The following REV1 variants were observed in gnomAD, a reference collection of about 807,000 sequenced individuals.
REV1 encodes the protein REV1 DNA directed polymerase, also known as translesion synthesis protein REV1.
REV1 carries 42 observed loss-of-function variants against 137.4 expected under a neutral mutation model. That is an observed-to-expected ratio of 0.31 (90% confidence interval 0.24 to 0.40). REV1 has a LOEUF of 0.40. Ranked by LOEUF, REV1 falls within the 10% of genes least tolerant of loss-of-function variation. The pLI is 1.00. For missense variants in REV1, 1,282 were observed against 1,490.1 expected (o/e 0.86, Z 2.30); for synonymous variants, 524 against 519.2 (o/e 1.01, Z -0.12).
intron 5 of REV1, among the ~76,000 whole-genome samples, chr2:99,441,962 C>T (rs10186223): frequency 0.18 from 26,671 of 151,986 alleles, 3,062 homozygotes; most frequent in African/African-American, 0.31. Context: ...CTGCTAAAAA[C>T]CAGCTTTGTG....
chr2:99,425,966 G>A (rs1009253285), intron 9 of REV1, among the ~76,000 whole-genome samples: 8 of 152,030 alleles, frequency 5.3e-5, no homozygotes, highest in African/African-American at 1.4e-4. Context: ...AACCTGGAGG[G>A]TGGAGGTTGC....
At chr2:99,454,186 T>C (rs1683254444) in intron 3 of REV1, among the ~76,000 whole-genome samples, 1 of 151,126 alleles carries the variant, frequency 6.6e-6, no homozygotes, top group Admixed American at 6.6e-5. Flanking sequence ...GGCCATGAGT[T>C]TGAGACCAAC....
chr2:99,429,940 G>A lies in REV1; in HGVS notation c.1447C>T (p.Pro483Ser). ...GGATTCTCCCACAATGATGAATCTG[G>A]TATATCTGCTTTAAAAATAAAAAAA... ...KILKGKAADIPDSSLWENPDS... is the reference protein window; with the variant it reads ...KILKGKAADISDSSLWENPDS... Residue 483 changes from proline to serine, a missense_variant, in exon 9 of 23, where the codon CCA (proline) becomes TCA (serine). Around this residue, in one of 7 missense-constraint regions of REV1, gnomAD observed 432 missense variants for 438.0 expected, o/e 0.99. Transcript: ENST00000258428. The A allele has an allele frequency of 6.4e-7, 1 of 1,572,944 alleles. No homozygotes were observed. Among genetic ancestry groups the A allele is most frequent in the East Asian group, 2.3e-5 (1 of 43,872 alleles).
rs1048492604 is a variant in REV1 at position 99,421,543 on chromosome 2, A to G, written c.1787T>C (p.Met596Thr). ...ACATTTCGTCTGGTCTTTGATTTCC[A>G]TACGAACAGCATTTGCAAATTCATC... ...TPDEFANAVR[M>T]EIKDQTKCAA... The change falls in exon 11 of 23, where the codon ATG becomes ACG. Residue 596 changes from methionine (M) to threonine (T), a missense_variant. By Grantham distance (81) the Met-to-Thr change is moderately conservative. Transcript: ENST00000258428. 1.9e-6 allele frequency: 3 copies of G among 1,614,036 alleles called. No individual in the cohort carries two copies. Among genetic ancestry groups the G allele is most frequent in the African/African-American group, 2.7e-5 (2 of 74,946 alleles).
rs1430810954 is a variant in REV1, at chr2:99,421,646, G to A, written c.1684C>T (p.His562Tyr). 2 of 1,613,696 alleles carry A rather than the reference G, an allele frequency of 1.2e-6. No individual in the cohort carries two copies. Among genetic ancestry groups the A allele is most frequent in the African/African-American group, 1.3e-5 (1 of 74,890 alleles). Reference sequence around the variant, plus strand: ...TCACAACTGACAGCTTCAATGTTATGAGTGTAGCTATCAACACAGAGCAAA... The same window carrying A: ...TCACAACTGACAGCTTCAATGTTATAAGTGTAGCTATCAACACAGAGCAAA... ...TLYETLASYT[H>Y]NIEAVSCDEA... The change falls in exon 11 of 23, where the codon CAT becomes TAT. Residue 562 changes from histidine (H) to tyrosine (Y), a missense_variant. By Grantham distance (83) the His-to-Tyr change is moderately conservative. Coordinates refer to ENST00000258428, the MANE Select transcript of REV1 (RefSeq NM_016316.4).
chr2:99,465,882 C>T (rs1022877715), intron 1 of REV1, among the ~76,000 whole-genome samples: 4 of 152,276 alleles, frequency 2.6e-5, no homozygotes, highest in African/African-American at 7.2e-5. Context: ...TTAACAACAC[C>T]TTAAACCATG....
intron 11 of REV1, among the ~76,000 whole-genome samples, chr2:99,419,386 TG>T (rs1258570909): frequency 6.6e-6 from 1 of 151,902 alleles, no homozygotes; most frequent in African/African-American, 2.4e-5. Context: ...CTAATTTTTC[TG>T]TATTTTTACA....
chr2:99,414,781 G>C (rs1677627482), intron 12 of REV1, among the ~76,000 whole-genome samples: 1 of 152,064 alleles, frequency 6.6e-6, no homozygotes, highest in South Asian at 2.1e-4. Context: ...TACAGTTCTG[G>C]GGAACAAATC....
intron 1 of REV1, among the ~76,000 whole-genome samples, chr2:99,468,719 C>T (rs1462719745): frequency 6.6e-6 from 1 of 152,196 alleles, no homozygotes; most frequent in South Asian, 2.1e-4. Context: ...CAGCCAATTA[C>T]TGTGTTTCAA....
intron 15 of REV1, chr2:99,406,815 T>TA (rs1019680864): frequency 1.1e-4 from 19 of 170,292 alleles, no homozygotes; most frequent in East Asian, 1.6e-4. Context: ...TAAATTAGGA[T>TA]AAAAAAAAAT....
At chr2:99,454,016 A>G (rs1683236304) in intron 3 of REV1, among the ~76,000 whole-genome samples, 1 of 151,320 alleles carries the variant, frequency 6.6e-6, no homozygotes, top group Non-Finnish European at 1.5e-5. Flanking sequence ...TTTTCTCCTC[A>G]TTGTTCTTTG....
At chr2:99,441,319 CG>C (rs1316076990) in intron 5 of REV1, among the ~76,000 whole-genome samples, 1 of 151,444 alleles carries the variant, frequency 6.6e-6, no homozygotes, top group African/African-American at 2.4e-5. Flanking sequence ...CTGGTGTTTT[CG>C]AAAAAAAATA....
chr2:99,449,300 A>G (rs1002354659), intron 4 of REV1, 36 bp downstream of exon 4: 1 of 1,242,690 alleles, frequency 8.0e-7, no homozygotes, highest in Non-Finnish European at 1.1e-6. Flanking sequence ...TCTAACTTTA[A>G]AAATTTATTA....
chr2:99,477,756 C>G (rs1288669066), intron 1 of REV1, among the ~76,000 whole-genome samples: 1 of 152,198 alleles, frequency 6.6e-6, no homozygotes, highest in Non-Finnish European at 1.5e-5. Context: ...CAATTCAATA[C>G]AACAAAGAGT....
chr2:99,439,030 C>T lies in REV1; in HGVS notation c.784G>A (p.Asp262Asn), dbSNP rs1681134235. 1 of 1,614,054 alleles carries T rather than the reference C, an allele frequency of 6.2e-7. No individual in the cohort carries two copies. The highest frequency in any genetic ancestry group is 1.3e-5 in the African/African-American group (1 of 74,918). Reference protein sequence around the residue: ...RLSPAFSQEEDKAEKSSTDFR... With the variant: ...RLSPAFSQEENKAEKSSTDFR... ...TCAGTGCTGCTCTTCTCAGCCTTAT[C>T]CTCCTCCTGGGAAAAGGCTGGAGAA... The change falls in exon 6 of 23, where the codon GAT becomes AAT. Residue 262 changes from aspartate (D) to asparagine (N), a missense_variant. Asp to Asn is a conservative substitution (Grantham distance 23, BLOSUM62 1). Transcript: ENST00000258428.
Position 99,438,924 on chromosome 2 carries a change from G to T in REV1, c.890C>A (p.Ser297Tyr). Residue 297 changes from serine to tyrosine, a missense_variant, in exon 6 of 23, where the codon TCT (serine) becomes TAT (tyrosine). This residue lies in a region of REV1 where 432 missense variants were observed against 438.0 expected (regional missense o/e 0.99). Coordinates refer to ENST00000258428, the MANE Select transcript of REV1 (RefSeq NM_016316.4). ...DALRNPHRTN[S>Y]FSLSPLHSNT... ...ACTGTGCAAAGGTGATAATGAGAAA[G>T]AATTAGTTCTGTGTGGATTCCGCAA... 3 of 1,614,164 alleles carry T rather than the reference G, an allele frequency of 1.9e-6. No individual in the cohort carries two copies. The highest frequency in any genetic ancestry group is 2.5e-6 in the Non-Finnish European group (3 of 1,180,018).
chr2:99,453,560 G>T (rs1477460486), intron 3 of REV1, among the ~76,000 whole-genome samples: 4 of 151,928 alleles, frequency 2.6e-5, no homozygotes, highest in African/African-American at 9.7e-5. Context: ...ACTCCTTCAA[G>T]AATGTCCTTG....
intron 8 of REV1, among the ~76,000 whole-genome samples, chr2:99,433,748 T>C (rs1211814199): frequency 6.6e-6 from 1 of 152,190 alleles, no homozygotes; most frequent in Non-Finnish European, 1.5e-5. Flanking sequence ...AGAAAACATT[T>C]CTCAGTGAAT....
At chr2:99,454,755 A>G (rs1023601473) in intron 3 of REV1, among the ~76,000 whole-genome samples, 4 of 152,084 alleles carry the variant, frequency 2.6e-5, no homozygotes, top group Non-Finnish European at 4.4e-5. Context: ...ACAAATAAAT[A>G]AAATTCCACA....
Sources: allele counts gnomAD v4.1 joint callset (sites outside exome capture counted in the v4.1 genomes callset), GRCh38; gene constraint gnomAD v4.1.1; regional missense constraint gnomAD v4.1.1; transcripts MANE v1.5; gene names NCBI Gene and HGNC (gene_info 2026-07-23, HGNC 2026-07-21).